The following RIN3 variants were observed in gnomAD, a reference collection of about 807,000 sequenced individuals.
RIN3 encodes the protein RAB5 interacting protein 3.
In RIN3, 54 loss-of-function variants were observed where a neutral mutation model predicts 76.3. The observed-to-expected ratio is 0.71, with a 90% confidence interval of 0.57 to 0.89. RIN3 has a LOEUF of 0.89. Among genes scored for constraint, RIN3 ranks in the 40% least tolerant of loss-of-function variants. The probability of loss-of-function intolerance (pLI) is 0.00; values close to 1 mark genes in which losing one functional copy is unlikely to be tolerated. For synonymous variants in RIN3, 576 were observed against 564.0 expected, an observed-to-expected ratio of 1.02 and a Z score of -0.30; for missense variants, 1,256 against 1,322.1, an observed-to-expected ratio of 0.95 and a Z score of 0.78.
At position 92,676,618 on chromosome 14, in the gene RIN3, C is replaced by T. The variant is rs114612961; in HGVS notation, c.2467+12C>T. 3,908 of 1,611,360 alleles carry T rather than the reference C, an allele frequency of 2.4e-3. 77 individuals are homozygous for T. In the African/African-American group the frequency reaches 0.046, roughly 19 times the overall value. Reference sequence around the variant, plus strand: ...GCAGCTGGGGGAGGGTGAGTCACCACCCCCTGCCCATCAGGTGCATTGCAC... The same window carrying T: ...GCAGCTGGGGGAGGGTGAGTCACCATCCCCTGCCCATCAGGTGCATTGCAC... On this transcript the variant is annotated intron_variant, in intron 8 of 9. Transcript: ENST00000216487.
At chr14:92,596,265 T>C (rs1885146142) in intron 3 of RIN3, among the ~76,000 whole-genome samples, 1 of 152,166 alleles carries the variant, frequency 6.6e-6, no homozygotes, top group African/African-American at 2.4e-5. Context: ...GGTCATGAAA[T>C]CTTACTTTTC....
At chr14:92,555,290 G>C (rs1367572396) in intron 1 of RIN3, among the ~76,000 whole-genome samples, 1 of 152,144 alleles carries the variant, frequency 6.6e-6, no homozygotes, top group Non-Finnish European at 1.5e-5. Context: ...CTGTGCTTCT[G>C]TTACATTTAT....
At chr14:92,535,668 A>C (rs1473029710) in intron 1 of RIN3, among the ~76,000 whole-genome samples, 1 of 108,036 alleles carries the variant, frequency 9.3e-6, no homozygotes. Flanking sequence ...CCTGGAACAG[A>C]CTTTTTTTTT....
At chr14:92,634,068 C>CTT (rs6145445) in intron 4 of RIN3, among the ~76,000 whole-genome samples, 30 of 108,124 alleles carry the variant, frequency 2.8e-4, no homozygotes, top group East Asian at 1.5e-3. Flanking sequence ...CTAAAAATCC[C>CTT]TTTTTTTTTT....
chr14:92,641,707 C>T (rs1875085181), intron 5 of RIN3, among the ~76,000 whole-genome samples: 1 of 152,212 alleles, frequency 6.6e-6, no homozygotes, highest in African/African-American at 2.4e-5. Flanking sequence ...GGAAAAGCAG[C>T]ATGAATGTGA....
At chr14:92,576,370 G>T (rs185084297) in intron 2 of RIN3, 1 of 1,289,790 alleles carries the variant, frequency 7.8e-7, no homozygotes, top group East Asian at 5.5e-5. Flanking sequence ...GCTGGCTCTG[G>T]GTGAGACCTC....
At chr14:92,669,333 A>G (rs1180261142) in intron 7 of RIN3, among the ~76,000 whole-genome samples, 1 of 152,116 alleles carries the variant, frequency 6.6e-6, no homozygotes, top group African/African-American at 2.4e-5. Context: ...GGGTCTGAGG[A>G]GTGTTGGAGG....
chr14:92,572,224 A>G (rs1210688595), intron 2 of RIN3, among the ~76,000 whole-genome samples: 1 of 152,180 alleles, frequency 6.6e-6, no homozygotes, highest in Admixed American at 6.5e-5. Flanking sequence ...CTGCATGCGC[A>G]GTGGTCCGCC....
Position 92,595,735 on chromosome 14 carries a change from A to G in RIN3, c.367+18258A>G, listed in dbSNP as rs144897858. 3.9e-5 allele frequency among the ~76,000 whole-genome samples: 6 copies of G among 152,334 alleles called. No homozygotes were observed. The East Asian group carries it at 1.2e-3, about 29-fold the overall frequency. On this transcript the variant is annotated intron_variant, in intron 3 of 9. Coordinates refer to ENST00000216487, the MANE Select transcript of RIN3 (RefSeq NM_024832.5). ...TGACCTCACCTGGCAAGAGACAGAT[A>G]CAAAATGCCTTGGAAAGATAAAGCC...
Position 92,648,965 on chromosome 14 carries a change from C to CTG in RIN3, c.533-2617_533-2616insTG, listed in dbSNP as rs1266692609. Among the ~76,000 whole-genome samples the CTG allele has an allele frequency of 2.0e-5, 3 of 152,118 alleles. No homozygotes were observed. The East Asian group carries it at 5.8e-4, about 29-fold the overall frequency. On this transcript the variant is annotated intron_variant, in intron 5 of 9. Transcript: ENST00000216487. The surrounding 1 kb of genome is among the most constrained non-coding windows in gnomAD (Gnocchi z 4.1). ...TAGCCAAGACCTGCTGGTGGGGCAG[C>CTG]GCATGGCACGTGGAGGAAGGAGTGA...
chr14:92,678,058 TCATC>T (rs1225149649), intron 8 of RIN3, among the ~76,000 whole-genome samples: 5 of 145,526 alleles, frequency 3.4e-5, no homozygotes, highest in Non-Finnish European at 6.0e-5. Context: ...AATCCATCAT[TCATC>T]CATCCATTAA....
intron 4 of RIN3, among the ~76,000 whole-genome samples, chr14:92,631,284 C>T (rs559800440): frequency 1.3e-5 from 2 of 152,302 alleles, no homozygotes; most frequent in East Asian, 3.9e-4. Flanking sequence ...ATGGCAGCCC[C>T]CAGAGGGCCA....
chr14:92,562,970 G>C (rs1424644670), intron 2 of RIN3, among the ~76,000 whole-genome samples: 2 of 152,156 alleles, frequency 1.3e-5, no homozygotes, highest in Admixed American at 6.5e-5. Flanking sequence ...GTAGTAACCT[G>C]AGTTGTGATA....
chr14:92,547,435 C>T (rs891084679), intron 1 of RIN3, among the ~76,000 whole-genome samples: 1 of 148,230 alleles, frequency 6.7e-6, no homozygotes, highest in Non-Finnish European at 1.5e-5. Context: ...TGCTCTGTCA[C>T]CCAGGCTGGA....
intron 1 of RIN3, among the ~76,000 whole-genome samples, chr14:92,534,297 G>C (rs561985321): frequency 6.7e-6 from 1 of 150,300 alleles, no homozygotes; most frequent in East Asian, 2.0e-4. Flanking sequence ...AAAGTAAATG[G>C]GGCTGGGCGT....
At chr14:92,561,239 C>T (rs907039232) in intron 2 of RIN3, among the ~76,000 whole-genome samples, 6 of 149,582 alleles carry the variant, frequency 4.0e-5, no homozygotes, top group African/African-American at 1.5e-4. Flanking sequence ...CCTGGGTCTA[C>T]CCCTGCTGGC....
In RIN3 at chr14:92,576,396, T is replaced by C. The variant is rs774229131; in HGVS notation, c.250-964T>C. 6.2e-6 allele frequency: 8 copies of C among 1,289,776 alleles called. No individual in the cohort carries two copies. The South Asian group carries it at 8.6e-5, about 14-fold the overall frequency. 79.9% of individuals were successfully genotyped at this position (1,289,776 alleles called of 1,614,324 possible). On this transcript the variant is annotated intron_variant, in intron 2 of 9. Coordinates refer to ENST00000216487, the MANE Select transcript of RIN3 (RefSeq NM_024832.5). ...GTGAGACCTCGGTTAGTATTTGGTTTCTAGAGCACAGCTGCGTCCTCACAG... is the reference window on the plus strand; with the variant it reads ...GTGAGACCTCGGTTAGTATTTGGTTCCTAGAGCACAGCTGCGTCCTCACAG...
intron 3 of RIN3, among the ~76,000 whole-genome samples, chr14:92,588,214 C>CTTTTTTTT (rs141155255): frequency 3.4e-5 from 2 of 58,760 alleles, no homozygotes; most frequent in African/African-American, 7.0e-5. Flanking sequence ...CCATAGCACT[C>CTTTTTTTT]TTTTTTTTTT....
intron 8 of RIN3, among the ~76,000 whole-genome samples, chr14:92,676,952 G>A (rs973019148): frequency 2.6e-5 from 4 of 151,954 alleles, no homozygotes; most frequent in African/African-American, 9.7e-5. Flanking sequence ...ATAGGAGCCA[G>A]CTGATTAAAA....
Sources: gnomAD v4.1 joint callset for allele counts (sites outside exome capture counted in the v4.1 genomes callset) on GRCh38, gnomAD v4.1.1 for gene constraint, Gnocchi (gnomAD v3.1) non-coding constraint, MANE v1.5 for transcripts, NCBI Gene and HGNC (gene_info 2026-07-23, HGNC 2026-07-21) for gene names.